The following ADAMTS2 variants were observed in gnomAD, a reference collection of about 807,000 sequenced individuals.
ADAMTS2 encodes ADAM metallopeptidase with thrombospondin type 1 motif 2.
ADAMTS2 carries 50 observed loss-of-function variants against 123.0 expected under a neutral mutation model. The ratio of observed to expected loss-of-function variants is 0.41; its 90% CI spans 0.32 to 0.51. The LOEUF is 0.51. Among genes scored for constraint, ADAMTS2 ranks in the 20% least tolerant of loss-of-function variants. ADAMTS2 has a pLI of 0.35. For missense variants in ADAMTS2, 1,494 were observed against 1,705.2 expected, an observed-to-expected ratio of 0.88 and a Z score of 2.18; for synonymous variants, 678 against 695.4, an observed-to-expected ratio of 0.98 and a Z score of 0.39.
chr5:179,128,659 C>A lies in ADAMTS2; in HGVS notation c.2458-541G>T, dbSNP rs964902718. ...CCACCCGCCTCGGCCTCCCAAAGTA[C>A]TGGGATTACAGGCATGAGCCACTGC... On this transcript the variant is annotated intron_variant, in intron 16 of 21. Coordinates refer to ENST00000251582, the MANE Select transcript of ADAMTS2 (RefSeq NM_014244.5). This position sits in a 1 kb window ranked among gnomAD's most constrained non-coding sequence, Gnocchi z 4.9. Among the ~76,000 whole-genome samples, 51 of 152,294 alleles carry A rather than the reference C, an allele frequency of 3.3e-4. No homozygotes were observed. The highest frequency in any genetic ancestry group is 1.2e-3 in the African/African-American group (49 of 41,552).
rs1270874688 is a variant in ADAMTS2 at position 179,234,422 on chromosome 5, T to C, written c.689-26707A>G. On this transcript the variant is annotated intron_variant, in intron 3 of 21. Coordinates refer to ENST00000251582, the MANE Select transcript of ADAMTS2 (RefSeq NM_014244.5). This position sits in a 1 kb window ranked among gnomAD's most constrained non-coding sequence, Gnocchi z 4.7. ...GCTGCTCATCCACTAGGACTGGGCT[T>C]CCGTGTGCAGGGCTTCACCCTCGCT... Among the ~76,000 whole-genome samples, 1 of 152,066 alleles carries C rather than the reference T, an allele frequency of 6.6e-6. No homozygotes were observed. Among genetic ancestry groups the C allele is most frequent in the Non-Finnish European group, 1.5e-5 (1 of 68,008 alleles).
chr5:179,168,438 C>T lies in ADAMTS2; in HGVS notation c.976-9559G>A, dbSNP rs1353869190. On this transcript the variant is annotated intron_variant, in intron 5 of 21. Coordinates refer to ENST00000251582, the MANE Select transcript of ADAMTS2 (RefSeq NM_014244.5). Reference sequence around the variant, plus strand: ...GTGTGGCCCCGGGCAGGCCGCTCGCCCCCTGGAGCCAGGGTCCTCACTGTC... The same window carrying T: ...GTGTGGCCCCGGGCAGGCCGCTCGCTCCCTGGAGCCAGGGTCCTCACTGTC... Among the ~76,000 whole-genome samples, 6 of 152,288 alleles carry T rather than the reference C, an allele frequency of 3.9e-5. No homozygotes were observed. The East Asian group carries it at 1.2e-3, about 29-fold the overall frequency.
intron 5 of ADAMTS2, among the ~76,000 whole-genome samples, chr5:179,165,330 T>A (rs193071210): frequency 3.9e-5 from 6 of 152,216 alleles, no homozygotes; most frequent in Non-Finnish European, 2.9e-5. Context: ...ATTTCTCATA[T>A]ATGGATCTCC....
At chr5:179,255,904 C>T (rs1766039438) in intron 3 of ADAMTS2, among the ~76,000 whole-genome samples, 1 of 152,192 alleles carries the variant, frequency 6.6e-6, no homozygotes, top group South Asian at 2.1e-4. Context: ...TGTGACCCTA[C>T]TGGACCCCTT....
Position 179,345,403 on chromosome 5 carries a change from C to T in ADAMTS2, c.-75G>A. ...TCCCCGCGAGCCGCCCAGCCCACATCTGGGGGCAGCTGGAGCCGCCCGCAG... is the reference window on the plus strand; with the variant it reads ...TCCCCGCGAGCCGCCCAGCCCACATTTGGGGGCAGCTGGAGCCGCCCGCAG... On this transcript the variant is annotated 5_prime_UTR_variant, in exon 1 of 22. Transcript: ENST00000251582. This position sits in a 1 kb window ranked among gnomAD's most constrained non-coding sequence, Gnocchi z 7.5. 9.6e-7 allele frequency: 1 copy of T among 1,037,144 alleles called. No individual in the cohort carries two copies. Among genetic ancestry groups the T allele is most frequent in the Non-Finnish European group, 1.2e-6 (1 of 863,328 alleles). 64.2% of individuals were successfully genotyped at this position (1,037,144 alleles called of 1,614,324 possible). A position where few individuals can be genotyped will look rare whatever the true frequency, so the allele number is the denominator to read the frequency against.
intron 10 of ADAMTS2, among the ~76,000 whole-genome samples, chr5:179,145,868 T>A (rs938172474): frequency 1.3e-5 from 2 of 152,230 alleles, no homozygotes; most frequent in Non-Finnish European, 2.9e-5. Context: ...TTATTTATTT[T>A]TGAGACGAAG....
At chr5:179,148,174 G>C (rs961126508) in intron 10 of ADAMTS2, among the ~76,000 whole-genome samples, 1 of 151,958 alleles carries the variant, frequency 6.6e-6, no homozygotes, top group African/African-American at 2.4e-5. Flanking sequence ...GCACTGCAGC[G>C]CTGGCGGCTC....
chr5:179,133,665 CA>C (rs1219160588), intron 13 of ADAMTS2, among the ~76,000 whole-genome samples: 3 of 151,946 alleles, frequency 2.0e-5, no homozygotes, highest in Non-Finnish European at 4.4e-5. Context: ...TCTAATTATG[CA>C]AAATTGAGCA....
At chr5:179,282,087 G>A (rs577027197) in intron 2 of ADAMTS2, among the ~76,000 whole-genome samples, 2 of 152,240 alleles carry the variant, frequency 1.3e-5, no homozygotes, top group Non-Finnish European at 2.9e-5. Flanking sequence ...CTCTTGTTCT[G>A]TGGGCTGTCT....
At chr5:179,335,432 G>A (rs1757590571) in intron 2 of ADAMTS2, among the ~76,000 whole-genome samples, 1 of 152,096 alleles carries the variant, frequency 6.6e-6, no homozygotes, top group Non-Finnish European at 1.5e-5. Flanking sequence ...GTCTTCAATA[G>A]CCTTGTGTGG....
intron 2 of ADAMTS2, among the ~76,000 whole-genome samples, chr5:179,340,006 G>A (rs998975558): frequency 2.0e-5 from 3 of 152,224 alleles, no homozygotes; most frequent in South Asian, 4.1e-4. Flanking sequence ...CAGCAGCCCC[G>A]CAGGGGAGCC....
At chr5:179,289,311 T>C (rs978137308) in intron 2 of ADAMTS2, among the ~76,000 whole-genome samples, 1 of 152,100 alleles carries the variant, frequency 6.6e-6, no homozygotes, top group African/African-American at 2.4e-5. Context: ...ATAAAATAAA[T>C]ATCCACAGAT....
intron 5 of ADAMTS2, among the ~76,000 whole-genome samples, chr5:179,168,799 C>A (rs1763761947): frequency 1.3e-5 from 2 of 152,174 alleles, no homozygotes; most frequent in Non-Finnish European, 1.5e-5. Context: ...AAAGTGGGCT[C>A]CCCCAAGGCT....
Position 179,125,165 on chromosome 5 carries a change from T to C in ADAMTS2, c.2766A>G (p.Glu922=). The C allele has an allele frequency of 6.2e-7, 1 of 1,612,584 alleles. No individual in the cohort carries two copies. Among genetic ancestry groups the C allele is most frequent in the South Asian group, 1.1e-5 (1 of 91,078 alleles). ...ECSQPVWVTG[E]WEPCSQTCGR... Reference sequence around the variant, plus strand: ...CACAGGTCTGGCTACATGGCTCCCATTCGCCTGTGACCCACCTGCCAGGGC... The same window carrying C: ...CACAGGTCTGGCTACATGGCTCCCACTCGCCTGTGACCCACCTGCCAGGGC... Residue 922 remains glutamate, a synonymous_variant, in exon 19 of 22, where the codon GAA becomes GAG. Coordinates refer to ENST00000251582, the MANE Select transcript of ADAMTS2 (RefSeq NM_014244.5).
intron 2 of ADAMTS2, among the ~76,000 whole-genome samples, chr5:179,299,853 G>T (rs1756461789): frequency 6.6e-6 from 1 of 151,964 alleles, no homozygotes; most frequent in East Asian, 1.9e-4. Flanking sequence ...CCAGCACTTT[G>T]GGAGGCTGAG....
At position 179,150,119 on chromosome 5, in the gene ADAMTS2, C is replaced by T. The variant is rs527681555; in HGVS notation, c.1629+2023G>A. Among the ~76,000 whole-genome samples the T allele has an allele frequency of 7.5e-3, 1,133 of 150,256 alleles. 14 individuals carry two copies. Among genetic ancestry groups the T allele is most frequent in the African/African-American group, 0.026 (1,077 of 41,012 alleles). ...CACACACACACATATGGGGGCCCCA[C>T]CAGCTCCTGCTCCTGCTCCTGCTCC... On this transcript the variant is annotated intron_variant, in intron 10 of 21. Transcript: ENST00000251582.
intron 3 of ADAMTS2, among the ~76,000 whole-genome samples, chr5:179,265,629 C>T (rs1341966457): frequency 2.6e-5 from 4 of 152,208 alleles, no homozygotes; most frequent in Non-Finnish European, 4.4e-5. Flanking sequence ...CTCCTGCTCT[C>T]CCCGGCTGAC....
intron 4 of ADAMTS2, among the ~76,000 whole-genome samples, chr5:179,199,410 C>T (rs892027920): frequency 6.6e-6 from 1 of 152,192 alleles, no homozygotes; most frequent in Non-Finnish European, 1.5e-5. Context: ...GATGGCTGGC[C>T]AGAGCCCGTG....
chr5:179,167,365 G>A (rs1272928916), intron 5 of ADAMTS2, among the ~76,000 whole-genome samples: 3 of 152,084 alleles, frequency 2.0e-5, no homozygotes, highest in Non-Finnish European at 4.4e-5. Flanking sequence ...GGGCTCCCGG[G>A]GCCCCAGCGG....
Sources: gnomAD v4.1 joint callset for allele counts (sites outside exome capture counted in the v4.1 genomes callset) on GRCh38, gnomAD v4.1.1 for gene constraint, Gnocchi (gnomAD v3.1) non-coding constraint, MANE v1.5 for transcripts, NCBI Gene and HGNC (gene_info 2026-07-23, HGNC 2026-07-21) for gene names.